The following MRTFB variants were observed in gnomAD, a reference collection of about 807,000 sequenced individuals.
MRTFB encodes the protein myocardin-related transcription factor B.
Under a neutral mutation model 104.2 loss-of-function variants are expected in MRTFB, and 29 were observed. The ratio of observed to expected loss-of-function variants is 0.28; its 90% CI spans 0.21 to 0.38. The LOEUF is 0.38. Among genes scored for constraint, MRTFB ranks in the 10% least tolerant of loss-of-function variants. The pLI is 1.00. For synonymous variants in MRTFB, 535 were observed against 519.5 expected, an observed-to-expected ratio of 1.03 and a Z score of -0.41; for missense variants, 1,270 against 1,341.6, an observed-to-expected ratio of 0.95 and a Z score of 0.83.
chr16:14,011,394 G>A, the MRTFB span, among the ~76,000 whole-genome samples: 1 of 152,220 alleles, frequency 6.6e-6, no homozygotes, highest in Non-Finnish European at 1.5e-5. Context: ...GAATTGAGAG[G>A]AGTTAAAGGA....
chr16:14,034,297 C>A, the MRTFB span, among the ~76,000 whole-genome samples: 9 of 152,098 alleles, frequency 5.9e-5, no homozygotes, highest in Non-Finnish European at 2.9e-5. Flanking sequence ...TTCTGGTAGC[C>A]CCAGGTGTCC....
the MRTFB span, among the ~76,000 whole-genome samples, chr16:14,003,636 G>GCCTGCCTGCCTGCCTGCCTGCCTGCCTC: frequency 3.2e-5 from 1 of 31,562 alleles, no homozygotes; most frequent in Non-Finnish European, 9.6e-5. Flanking sequence ...CTGCCTGCCT[G>GCCTGCCTGCCTGCCTGCCTGCCTGCCTC]CCTGCCTCCC....
At chr16:14,241,793 G>C (rs2151374677) in intron 10 of MRTFB, among the ~76,000 whole-genome samples, 1 of 152,172 alleles carries the variant, frequency 6.6e-6, no homozygotes, top group South Asian at 2.1e-4. Flanking sequence ...TTTGTATCCA[G>C]TTACTATTTT....
chr16:14,258,452 A>G (rs188007564), intron 16 of MRTFB, among the ~76,000 whole-genome samples: 1 of 152,324 alleles, frequency 6.6e-6, no homozygotes, highest in East Asian at 1.9e-4. Flanking sequence ...AAAAATTAAC[A>G]GAGTGTAATG....
the MRTFB span, among the ~76,000 whole-genome samples, chr16:14,017,709 A>ATTT: frequency 8.8e-4 from 14 of 15,924 alleles, 1 homozygote; most frequent in Non-Finnish European, 1.7e-3. Flanking sequence ...ATATATATAT[A>ATTT]TATTTTTTTT....
chr16:14,210,162 A>T, intron 3 of MRTFB, 81 bp from the exon 4 acceptor site: 2 of 1,015,194 alleles, frequency 2.0e-6, no homozygotes, highest in Non-Finnish European at 3.0e-6. Flanking sequence ...GATAAAGCTT[A>T]ATTGCATCTC....
In MRTFB at chr16:14,177,160, G is replaced by A. The variant is rs1040348993; in HGVS notation, c.155-33083G>A. Among the ~76,000 whole-genome samples, 4 of 152,176 alleles carry A rather than the reference G, an allele frequency of 2.6e-5. No homozygotes were observed. The highest frequency in any genetic ancestry group is 5.9e-5 in the Non-Finnish European group (4 of 68,032). ...GAACATGTAGGGAGTTAATAACGCC[G>A]GTCAGGAAGGTGGGAGACAAAGCAC... On this transcript the variant is annotated intron_variant, in intron 3 of 16. Coordinates refer to ENST00000571589, the MANE Select transcript of MRTFB (RefSeq NM_001308142.2). This position sits in a 1 kb window ranked among gnomAD's most constrained non-coding sequence, Gnocchi z 4.7.
chr16:14,031,646 A>T, the MRTFB span, among the ~76,000 whole-genome samples: 2 of 152,326 alleles, frequency 1.3e-5, no homozygotes, highest in South Asian at 4.1e-4. Flanking sequence ...GGTCAGAGCC[A>T]CTAAAACCCT....
the MRTFB span, among the ~76,000 whole-genome samples, chr16:14,036,964 C>CTT: frequency 1.7e-4 from 26 of 149,922 alleles, no homozygotes; most frequent in Middle Eastern, 3.4e-3. Context: ...GATCATCTCA[C>CTT]TTTTTTTTTT....
the MRTFB span, among the ~76,000 whole-genome samples, chr16:14,025,041 A>G: frequency 6.6e-6 from 1 of 152,220 alleles, no homozygotes; most frequent in Admixed American, 6.5e-5. Context: ...GTAATAGAAC[A>G]GTTCATGTCT....
At chr16:14,071,491 C>G (rs1317475212) in intron 1 of MRTFB, 126 bp downstream of exon 1, 1 of 152,638 alleles carries the variant, frequency 6.6e-6, no homozygotes, top group Non-Finnish European at 1.5e-5. Flanking sequence ...CTGTTCGTCC[C>G]CGCAGCAGCT....
chr16:14,084,999 G>GA (rs746506763), intron 2 of MRTFB, among the ~76,000 whole-genome samples: 12 of 152,032 alleles, frequency 7.9e-5, no homozygotes, highest in Non-Finnish European at 1.8e-4. Context: ...ATTAAAATAA[G>GA]AAAAAATTAG....
intron 2 of MRTFB, among the ~76,000 whole-genome samples, chr16:14,083,585 C>T (rs2034530742): frequency 6.6e-6 from 1 of 152,202 alleles, no homozygotes; most frequent in African/African-American, 2.4e-5. Context: ...ATGCTTACTT[C>T]CCTCTGTTTC....
the MRTFB span, chr16:14,013,355 G>A: frequency 4.6e-5 from 7 of 152,206 alleles, no homozygotes; most frequent in Non-Finnish European, 7.3e-5. Flanking sequence ...AACTTCTTAA[G>A]GGTATTGAAT....
At chr16:14,195,041 G>C (rs1456224255) in intron 3 of MRTFB, among the ~76,000 whole-genome samples, 1 of 152,208 alleles carries the variant, frequency 6.6e-6, no homozygotes, top group East Asian at 1.9e-4. Flanking sequence ...TATGATTTCT[G>C]AGGAGGTGCA....
the MRTFB span, among the ~76,000 whole-genome samples, chr16:14,041,858 G>A: frequency 2.0e-4 from 31 of 152,054 alleles, no homozygotes; most frequent in African/African-American, 6.8e-4. Flanking sequence ...TCCAGGAGGC[G>A]GAGGTTGCAG....
chr16:14,200,814 G>C (rs911964243), intron 3 of MRTFB: 4 of 1,471,100 alleles, frequency 2.7e-6, no homozygotes, highest in Non-Finnish European at 2.9e-6. Context: ...GTAAAAAGTG[G>C]TTGGCGGTGG....
chr16:14,034,671 C>G, the MRTFB span, among the ~76,000 whole-genome samples: 1 of 151,648 alleles, frequency 6.6e-6, no homozygotes, highest in Non-Finnish European at 1.5e-5. Flanking sequence ...ATTGTCCTTC[C>G]TTTCTGTTTG....
At chr16:14,191,124 C>T (rs932904611) in intron 3 of MRTFB, among the ~76,000 whole-genome samples, 2 of 152,206 alleles carry the variant, frequency 1.3e-5, no homozygotes, top group African/African-American at 4.8e-5. Flanking sequence ...TATGCATACT[C>T]TACCTGTACT....
Sources: allele counts gnomAD v4.1 joint callset (sites outside exome capture counted in the v4.1 genomes callset), GRCh38; gene constraint gnomAD v4.1.1; non-coding constraint Gnocchi (gnomAD v3.1); transcripts MANE v1.5; gene names NCBI Gene and HGNC (gene_info 2026-07-23, HGNC 2026-07-21).